ADGRL2: variants seen among roughly 807,000 people sequenced by gnomAD.
The protein encoded by ADGRL2 is adhesion G protein-coupled receptor L2, also known as calcium-independent alpha-latrotoxin receptor 2.
Under a neutral mutation model 157.4 loss-of-function variants are expected in ADGRL2, and 44 were observed. That is an observed-to-expected ratio of 0.28 (90% confidence interval 0.22 to 0.36). The LOEUF is 0.36. Among genes scored for constraint, ADGRL2 ranks in the 10% least tolerant of loss-of-function variants. ADGRL2 has a pLI of 1.00. For synonymous variants in ADGRL2, 585 were observed against 624.7 expected (o/e 0.94, Z 0.95); for missense variants, 1,510 against 1,768.9 (o/e 0.85, Z 2.63).
At chr1:81,786,860 T>A (rs2087073495) in intron 2 of ADGRL2, among the ~76,000 whole-genome samples, 1 of 152,196 alleles carries the variant, frequency 6.6e-6, no homozygotes, top group Non-Finnish European at 1.5e-5. Flanking sequence ...TCCATTTGTT[T>A]GATTGAAAAA....
intron 1 of ADGRL2, among the ~76,000 whole-genome samples, chr1:81,320,547 T>C (rs1217456131): frequency 6.6e-6 from 1 of 152,228 alleles, no homozygotes; most frequent in Admixed American, 6.5e-5. Flanking sequence ...GGCTGAAGAA[T>C]GGATGTTGTG....
intron 1 of ADGRL2, among the ~76,000 whole-genome samples, chr1:81,816,918 T>C (rs1182719824): frequency 2.6e-5 from 4 of 151,870 alleles, no homozygotes; most frequent in Admixed American, 2.6e-4. Context: ...TTCCTTTATT[T>C]TGTTAATGGT....
At position 81,332,103 on chromosome 1, in the gene ADGRL2, T is replaced by C. The variant is rs1661308124; in HGVS notation, c.-302+25594T>C. Among the ~76,000 whole-genome samples, 3 of 152,116 alleles carry C rather than the reference T, an allele frequency of 2.0e-5. No individual in the cohort carries two copies. In the South Asian group the frequency reaches 6.2e-4, roughly 31 times the overall value. On this transcript the variant is annotated intron_variant, in intron 1 of 24. Coordinates refer to the ADGRL2 transcript ENST00000370721. ...CTGCAACTCACAAGGATGCTTATGCTATAGATGTCATGATAGAAGGTTTCC... is the reference window on the plus strand; with the variant it reads ...CTGCAACTCACAAGGATGCTTATGCCATAGATGTCATGATAGAAGGTTTCC...
chr1:81,443,335 T>A (rs1317539802), intron 1 of ADGRL2, among the ~76,000 whole-genome samples: 2 of 151,430 alleles, frequency 1.3e-5, no homozygotes, highest in African/African-American at 4.9e-5. Flanking sequence ...GGCAGGAGAA[T>A]CACTTGAACC....
chr1:81,610,486 G>A (rs1424397787), intron 3 of ADGRL2, among the ~76,000 whole-genome samples: 1 of 152,120 alleles, frequency 6.6e-6, no homozygotes, highest in Admixed American at 6.5e-5. Context: ...ATGGGATCAG[G>A]AATATGAGGA....
chr1:81,610,265 A>G (rs1048221507), intron 3 of ADGRL2, among the ~76,000 whole-genome samples: 3 of 143,282 alleles, frequency 2.1e-5, no homozygotes, highest in African/African-American at 8.0e-5. Context: ...CTCTAGGAGA[A>G]GGACAGTGGG....
chr1:81,755,218 A>ATATG (rs1557623820), intron 1 of ADGRL2, among the ~76,000 whole-genome samples: 1 of 147,030 alleles, frequency 6.8e-6, no homozygotes, highest in Non-Finnish European at 1.5e-5. Context: ...ATATATGAAG[A>ATATG]TATATACATA....
At chr1:81,942,764 C>A in intron 5 of ADGRL2, 1 of 614,754 alleles carries the variant, frequency 1.6e-6, no homozygotes, top group South Asian at 1.7e-5. Context: ...TGAAAATAAA[C>A]ATAAACTTCA....
chr1:81,817,533 TG>T (rs2090536099), intron 1 of ADGRL2, among the ~76,000 whole-genome samples: 2 of 152,236 alleles, frequency 1.3e-5, no homozygotes, highest in East Asian at 1.9e-4. Context: ...ATCAGAAATT[TG>T]TCTGGGTCTT....
chr1:81,901,089 G>T (rs2094476990), intron 2 of ADGRL2, among the ~76,000 whole-genome samples: 1 of 152,102 alleles, frequency 6.6e-6, no homozygotes, highest in Admixed American at 6.6e-5. Flanking sequence ...TGCTAATGGT[G>T]TATTATTTAA....
At chr1:81,897,676 T>C (rs1021213657) in intron 2 of ADGRL2, among the ~76,000 whole-genome samples, 7 of 152,290 alleles carry the variant, frequency 4.6e-5, no homozygotes, top group African/African-American at 1.4e-4. Flanking sequence ...ATTTTTACCT[T>C]AGAGCATCTA....
intron 1 of ADGRL2, among the ~76,000 whole-genome samples, chr1:81,810,199 C>T (rs1297711036): frequency 4.6e-5 from 7 of 151,890 alleles, no homozygotes; most frequent in Admixed American, 4.6e-4. Context: ...ATTGTAAGTA[C>T]TATGACAGCA....
At chr1:81,398,149 A>C (rs916206687) in intron 1 of ADGRL2, among the ~76,000 whole-genome samples, 1 of 151,944 alleles carries the variant, frequency 6.6e-6, no homozygotes, top group Non-Finnish European at 1.5e-5. Context: ...TTTGGTTTCC[A>C]TTTGCATGGA....
intron 3 of ADGRL2, among the ~76,000 whole-genome samples, chr1:81,601,851 T>C (rs1353322930): frequency 2.0e-5 from 3 of 152,208 alleles, no homozygotes; most frequent in Admixed American, 6.5e-5. Context: ...TTTTTAACAG[T>C]TTAGTGAACA....
intron 1 of ADGRL2, among the ~76,000 whole-genome samples, chr1:81,416,753 C>T (rs2077040606): frequency 6.6e-6 from 1 of 152,098 alleles, no homozygotes. Context: ...TTCAGAGTTC[C>T]CTAATACTAC....
chr1:81,311,856 A>C (rs967480818), intron 1 of ADGRL2, among the ~76,000 whole-genome samples: 2 of 152,232 alleles, frequency 1.3e-5, no homozygotes, highest in African/African-American at 2.4e-5. Flanking sequence ...TGAAAAGTTA[A>C]GAAAAGAAGG....
chr1:81,604,662 C>T (rs139454459), intron 3 of ADGRL2, among the ~76,000 whole-genome samples: 1 of 152,254 alleles, frequency 6.6e-6, no homozygotes, highest in Non-Finnish European at 1.5e-5. Flanking sequence ...GAGCTGGCCA[C>T]CCTACCAAGG....
chr1:81,711,196 G>A (rs146697816), intron 1 of ADGRL2, among the ~76,000 whole-genome samples: 6 of 152,152 alleles, frequency 3.9e-5, no homozygotes, highest in South Asian at 4.1e-4. Flanking sequence ...ATTCTTGTCC[G>A]CATGTTTGAA....
intron 3 of ADGRL2, among the ~76,000 whole-genome samples, chr1:81,660,879 G>T (rs2082636326): frequency 6.6e-6 from 1 of 152,148 alleles, no homozygotes; most frequent in Non-Finnish European, 1.5e-5. Flanking sequence ...GTCTTGCAAG[G>T]CATACAATCT....
Sources: allele counts gnomAD v4.1 joint callset (sites outside exome capture counted in the v4.1 genomes callset), GRCh38; gene constraint gnomAD v4.1.1; transcripts MANE v1.5; gene names NCBI Gene and HGNC (gene_info 2026-07-23, HGNC 2026-07-21).